Variants in PAK3 observed in about 807,000 individuals in gnomAD.
The protein encoded by PAK3 is p21 (RAC1) activated kinase 3.
A neutral mutation model predicts 41.0 loss-of-function variants in PAK3; 4 were observed. The observed-to-expected ratio is 0.10, with a 90% CI of 0.05 to 0.22. The LOEUF is 0.22. Ranked by LOEUF, PAK3 falls within the 10% of genes least tolerant of loss-of-function variation. PAK3 has a pLI of 1.00. For missense variants in PAK3, 205 were observed against 409.9 expected (o/e 0.50, Z 4.32); for synonymous variants, 146 against 139.6 (o/e 1.05, Z -0.32).
chrX:110,970,396 C>G (rs1250678714), intron 1 of PAK3, among the ~76,000 whole-genome samples: 3 of 112,061 alleles, frequency 2.7e-5, no homozygotes, highest in Non-Finnish European at 5.6e-5. Context: ...TTTGGCTGAA[C>G]AGAAGCTCTT....
intron 1 of PAK3, among the ~76,000 whole-genome samples, chrX:110,945,236 T>C (rs2090591158): frequency 9.0e-6 from 1 of 111,524 alleles, no homozygotes; most frequent in Non-Finnish European, 1.9e-5. Context: ...TGTGTGTGTG[T>C]GTGTGCGTGT....
chrX:110,958,733 A>G (rs1023885974), intron 1 of PAK3, among the ~76,000 whole-genome samples: 1 of 111,742 alleles, frequency 8.9e-6, no homozygotes, highest in Non-Finnish European at 1.9e-5. Context: ...TTTTGATGGT[A>G]GTTAACATGA....
At chrX:110,964,501 CA>C (rs745385914) in intron 1 of PAK3, among the ~76,000 whole-genome samples, 45 of 111,966 alleles carry the variant, frequency 4.0e-4, no homozygotes, top group African/African-American at 1.3e-3. Flanking sequence ...ATATGGAAAT[CA>C]TCTGGCCTAT....
At chrX:110,950,287 C>T (rs1345665372) in intron 1 of PAK3, among the ~76,000 whole-genome samples, 1 of 112,294 alleles carries the variant, frequency 8.9e-6, no homozygotes, top group Non-Finnish European at 1.9e-5. Context: ...TGAATATTCA[C>T]ATAAATACAT....
intron 1 of PAK3, among the ~76,000 whole-genome samples, chrX:111,059,254 G>A (rs1056397127): frequency 1.5e-4 from 16 of 109,218 alleles, no homozygotes; most frequent in Non-Finnish European, 3.0e-4. Context: ...TTAACTCCTG[G>A]GTTCAAGTGA....
intron 5 of PAK3, among the ~76,000 whole-genome samples, chrX:111,130,225 G>T (rs112947631): frequency 2.7e-5 from 3 of 111,624 alleles, no homozygotes; most frequent in African/African-American, 9.7e-5. Flanking sequence ...ATGTGTGAGT[G>T]GGGGTGACTT....
chrX:111,123,459 C>T (rs1489138390), intron 5 of PAK3, among the ~76,000 whole-genome samples, 181 bp downstream of exon 5: 1 of 112,550 alleles, frequency 8.9e-6, no homozygotes. Context: ...TGTGGGCTGA[C>T]AGAAAATACA....
chrX:110,957,238 C>T (rs1017349498), intron 1 of PAK3, among the ~76,000 whole-genome samples: 4 of 112,400 alleles, frequency 3.6e-5, no homozygotes, highest in Non-Finnish European at 7.5e-5. Context: ...TGTATTATCT[C>T]ATTTAATAGT....
chrX:111,104,639 G>A (rs998321373), intron 4 of PAK3, among the ~76,000 whole-genome samples: 1 of 111,847 alleles, frequency 8.9e-6, no homozygotes, highest in Non-Finnish European at 1.9e-5. Flanking sequence ...GCTCTTTGGT[G>A]TTCTGTGACA....
intron 16 of PAK3, among the ~76,000 whole-genome samples, chrX:111,206,364 G>T (rs957559407): frequency 1.8e-5 from 2 of 111,500 alleles, no homozygotes; most frequent in African/African-American, 6.5e-5. Flanking sequence ...GCCCAGGGTT[G>T]CTTCATAAGC....
At chrX:111,050,157 T>TC (rs2148788679) in intron 1 of PAK3, among the ~76,000 whole-genome samples, 1 of 111,452 alleles carries the variant, frequency 9.0e-6, no homozygotes, top group South Asian at 3.8e-4. Flanking sequence ...CCCAGGCACT[T>TC]CCCCACAGTT....
At chrX:110,980,683 T>C (rs2091433262) in intron 1 of PAK3, among the ~76,000 whole-genome samples, 1 of 112,242 alleles carries the variant, frequency 8.9e-6, no homozygotes, top group Non-Finnish European at 1.9e-5. Context: ...AAATTTTCCA[T>C]TTTATGCTTA....
rs538172978 is a variant in PAK3 at position 111,009,996 on chromosome X, A to T, written c.-28+65368A>T. ...ACCATGGATAATTAACAGAAAAAAA[A>T]ATATTCATTTGCAACCACAGACAGT... is the stretch of plus-strand genomic sequence containing the variant. On this transcript the variant is annotated intron_variant, in intron 1 of 14. Transcript: ENST00000425146. Among the ~76,000 whole-genome samples the T allele has an allele frequency of 9.8e-5, 11 of 111,760 alleles. No homozygotes were observed. In the South Asian group the frequency reaches 4.2e-3, roughly 42 times the overall value.
chrX:111,187,814 A>C (rs2149301580), intron 11 of PAK3, among the ~76,000 whole-genome samples: 1 of 110,428 alleles, frequency 9.1e-6, no homozygotes, highest in African/African-American at 3.3e-5. Flanking sequence ...AAGTTGCACA[A>C]ACCAATAACT....
At chrX:111,160,876 T>A (rs1322508551) in intron 8 of PAK3, among the ~76,000 whole-genome samples, 1 of 112,602 alleles carries the variant, frequency 8.9e-6, no homozygotes, top group Non-Finnish European at 1.9e-5. Context: ...TGTTGGACAT[T>A]TGGGTTGGTT....
At chrX:111,091,742 T>C (rs1292991523), upstream of PAK3, among the ~76,000 whole-genome samples, 1 of 111,902 alleles carries the variant, frequency 8.9e-6, no homozygotes, top group Non-Finnish European at 1.9e-5. Flanking sequence ...AGGAAGGGGC[T>C]CCATTGCACC....
chrX:111,177,100 T>A (rs752883120), intron 11 of PAK3, among the ~76,000 whole-genome samples: 114 of 109,894 alleles, frequency 1.0e-3, no homozygotes, highest in African/African-American at 3.6e-3. Context: ...ATATGTAGAG[T>A]TTTTTAAAAT....
At chrX:111,192,353 T>TA (rs201142718) in intron 12 of PAK3, among the ~76,000 whole-genome samples, 153 bp from the exon 13 acceptor site, 31 of 103,424 alleles carry the variant, frequency 3.0e-4, no homozygotes, top group South Asian at 8.6e-4. Context: ...AACCAAAAAA[T>TA]AAAAAAAAAA....
chrX:111,082,853 C>T (rs1047134377), intron 1 of PAK3, among the ~76,000 whole-genome samples: 10 of 111,429 alleles, frequency 9.0e-5, no homozygotes, highest in African/African-American at 3.3e-5. Context: ...GATACCTAAC[C>T]ATGAGTTTCT....
Sources: gnomAD v4.1 joint callset for allele counts (sites outside exome capture counted in the v4.1 genomes callset) on GRCh38, gnomAD v4.1.1 for gene constraint, MANE v1.5 for transcripts, NCBI Gene and HGNC (gene_info 2026-07-23, HGNC 2026-07-21) for gene names.